The following SLC8A3 variants were observed in gnomAD, a reference collection of about 807,000 sequenced individuals.
SLC8A3 encodes the protein solute carrier family 8 member A3, also known as sodium/calcium exchanger 3.
In SLC8A3, 37 loss-of-function variants were observed where a neutral mutation model predicts 65.4. The observed-to-expected ratio is 0.57, with a 90% confidence interval of 0.44 to 0.74. The LOEUF (loss-of-function observed/expected upper bound fraction) is 0.74, where lower values mean the gene tolerates loss of function less well. Ranked by LOEUF, SLC8A3 falls within the 30% of genes least tolerant of loss-of-function variation. The pLI, the probability that SLC8A3 is intolerant of heterozygous loss-of-function variation, is 0.00. For missense variants in SLC8A3, 1,112 were observed against 1,172.1 expected, an observed-to-expected ratio of 0.95 and a Z score of 0.75; for synonymous variants, 461 against 444.5, an observed-to-expected ratio of 1.04 and a Z score of -0.47.
intron 2 of SLC8A3, chr14:70,063,860 C>G (rs374857117): frequency 6.2e-7 from 1 of 1,612,170 alleles, no homozygotes; most frequent in Admixed American, 1.7e-5. Flanking sequence ...GGGGGCCCAT[C>G]ATCTCAATGA....
intron 2 of SLC8A3, among the ~76,000 whole-genome samples, chr14:70,150,697 G>T (rs1407095087): frequency 6.6e-6 from 1 of 152,162 alleles, no homozygotes; most frequent in Non-Finnish European, 1.5e-5. Flanking sequence ...GAGGAAAGCA[G>T]GTAACATGCC....
chr14:70,122,941 G>C (rs745866756), intron 2 of SLC8A3, among the ~76,000 whole-genome samples: 1 of 151,644 alleles, frequency 6.6e-6, no homozygotes, highest in Admixed American at 6.6e-5. Context: ...GTGCGGTGGC[G>C]GGCGCCTGTA....
intron 2 of SLC8A3, among the ~76,000 whole-genome samples, chr14:70,147,527 T>C (rs61978174): frequency 6.6e-6 from 1 of 152,004 alleles, no homozygotes; most frequent in African/African-American, 2.4e-5. Context: ...ATGGTGAAGG[T>C]ATTTTGCAGA....
At position 70,167,349 on chromosome 14, in the gene SLC8A3, G is replaced by A. The variant is rs879116725; in HGVS notation, c.1074C>T (p.Ala358=). Residue 358 remains alanine (A), a synonymous_variant, in exon 2 of 7, where the codon GCC becomes GCT. Transcript: ENST00000356921. Reference sequence around the variant, plus strand: ...TGCCTGCACCAGTCATCATACGAGTGGCTTGGATACGGTAGAAGGCACGGC... The same window carrying A: ...TGCCTGCACCAGTCATCATACGAGTAGCTTGGATACGGTAGAAGGCACGGC... ...QKSRAFYRIQ[A]TRMMTGAGNI... The A allele has an allele frequency of 1.9e-6, 3 of 1,614,188 alleles. No homozygotes were observed. The South Asian group carries it at 3.3e-5, about 18-fold the overall frequency.
At chr14:70,140,346 G>T (rs60621131) in intron 2 of SLC8A3, among the ~76,000 whole-genome samples, 5,799 of 152,202 alleles carry the variant, frequency 0.038, 364 homozygotes, top group African/African-American at 0.13. Context: ...CATATAATGT[G>T]TGTATATACA....
Position 70,167,075 on chromosome 14 carries a change from C to T in SLC8A3, c.1348G>A (p.Glu450Lys), listed in dbSNP as rs1566825834. ...ANAGADYEFTEGTVVLKPGET... is the reference protein window; with the variant it reads ...ANAGADYEFTKGTVVLKPGET... ...CCTGGCTTCAGAACCACCGTGCCCT[C>T]TGTGAACTCATAGTCAGCCCCTGCA... The change falls in exon 2 of 7, where the codon GAG becomes AAG. Residue 450 changes from glutamate to lysine, a missense_variant. By Grantham distance (56) the Glu-to-Lys change is moderately conservative (BLOSUM62 1). Coordinates refer to ENST00000356921, the MANE Select transcript of SLC8A3 (RefSeq NM_182932.3). 4.3e-6 allele frequency: 7 copies of T among 1,614,062 alleles called. No homozygotes were observed. Among genetic ancestry groups the T allele is most frequent in the Non-Finnish European group, 5.1e-6 (6 of 1,180,034 alleles).
At position 70,188,918 on chromosome 14, in the gene SLC8A3, G is replaced by C. The variant is rs1268443940; in HGVS notation, c.-602C>G. 1 of 152,042 alleles carries C rather than the reference G, an allele frequency of 6.6e-6. No individual in the cohort carries two copies. Among genetic ancestry groups the C allele is most frequent in the Non-Finnish European group, 1.5e-5 (1 of 68,010 alleles). 9.4% of individuals were successfully genotyped at this position (152,042 alleles called of 1,614,324 possible). A position where few individuals can be genotyped will look rare whatever the true frequency, so the allele number is the denominator to read the frequency against. On this transcript the variant is annotated 5_prime_UTR_variant, in exon 1 of 7. Transcript: ENST00000356921. ...ACGCTGTCACCGCGGGAGACGTCTC[G>C]GCCTCGCCGCGCGCAGAGGGGACGC...
intron 1 of SLC8A3, among the ~76,000 whole-genome samples, chr14:70,174,111 C>T (rs1487063285): frequency 6.6e-6 from 1 of 152,206 alleles, no homozygotes; most frequent in East Asian, 1.9e-4. Context: ...TGAATTCTGG[C>T]AGTCCACCTC....
At chr14:70,143,208 T>A (rs905412751) in intron 2 of SLC8A3, among the ~76,000 whole-genome samples, 1 of 152,252 alleles carries the variant, frequency 6.6e-6, no homozygotes, top group Non-Finnish European at 1.5e-5. Context: ...TTTGAGGGCC[T>A]AGCCCATGAG....
intron 3 of SLC8A3, chr14:70,059,200 G>C (rs1888490775): frequency 6.6e-6 from 1 of 152,278 alleles, no homozygotes; most frequent in Non-Finnish European, 1.5e-5. Context: ...GCACAGAAGT[G>C]GTCAGCTCTG....
rs926333194 is a variant in SLC8A3 at position 70,127,394 on chromosome 14, C to T, written c.1784+39245G>A. Among the ~76,000 whole-genome samples, 26 of 152,266 alleles carry T rather than the reference C, an allele frequency of 1.7e-4. No individual in the cohort carries two copies. The South Asian group carries it at 2.9e-3, about 17-fold the overall frequency. ...GGTAGACTTTTTGACCCCGCCCAGG[C>T]ATCTTAGCGCTTTATTGACGGTTTT... On this transcript the variant is annotated intron_variant, in intron 2 of 6. Transcript: ENST00000356921.
At chr14:70,064,961 G>A (rs1225647623) in intron 2 of SLC8A3, among the ~76,000 whole-genome samples, 1 of 152,112 alleles carries the variant, frequency 6.6e-6, no homozygotes, top group African/African-American at 2.4e-5. Flanking sequence ...TCCCAGGGAA[G>A]ATGTTTAGAC....
intron 2 of SLC8A3, among the ~76,000 whole-genome samples, chr14:70,157,590 G>A (rs1896646940): frequency 6.6e-6 from 1 of 152,188 alleles, no homozygotes; most frequent in Admixed American, 6.5e-5. Flanking sequence ...ACCATTGCAA[G>A]CTGCAAATAA....
At chr14:70,139,381 C>T (rs1029344457) in intron 2 of SLC8A3, among the ~76,000 whole-genome samples, 4 of 152,200 alleles carry the variant, frequency 2.6e-5, no homozygotes, top group Non-Finnish European at 5.9e-5. Context: ...TGGTAACTTG[C>T]AAGCCCTCTT....
intron 3 of SLC8A3, among the ~76,000 whole-genome samples, chr14:70,054,796 C>T (rs1047829744): frequency 2.0e-5 from 3 of 152,114 alleles, no homozygotes; most frequent in African/African-American, 7.2e-5. Flanking sequence ...TATGTCCTTA[C>T]TATGTACACC....
chr14:70,079,691 C>A (rs1425467939), intron 2 of SLC8A3, among the ~76,000 whole-genome samples: 1 of 152,112 alleles, frequency 6.6e-6, no homozygotes, highest in Non-Finnish European at 1.5e-5. Context: ...GCCAACCCTC[C>A]CCCTTCATTT....
chr14:70,176,707 A>G (rs1897932166), intron 1 of SLC8A3, among the ~76,000 whole-genome samples: 1 of 152,212 alleles, frequency 6.6e-6, no homozygotes, highest in Non-Finnish European at 1.5e-5. Context: ...CTTGCCAAGA[A>G]TAGTCAGCAT....
chr14:70,184,416 C>T (rs893820773), intron 1 of SLC8A3, among the ~76,000 whole-genome samples: 1 of 152,214 alleles, frequency 6.6e-6, no homozygotes, highest in Non-Finnish European at 1.5e-5. Flanking sequence ...CTCCCCACTG[C>T]ATTTTAATCT....
intron 2 of SLC8A3, among the ~76,000 whole-genome samples, chr14:70,111,911 A>T (rs1007259422): frequency 7.2e-5 from 11 of 152,220 alleles, no homozygotes; most frequent in Non-Finnish European, 1.6e-4. Context: ...AGGCTGAAAG[A>T]CATCAGCAAT....
Sources: allele counts gnomAD v4.1 joint callset (sites outside exome capture counted in the v4.1 genomes callset), GRCh38; gene constraint gnomAD v4.1.1; transcripts MANE v1.5; gene names NCBI Gene and HGNC (gene_info 2026-07-23, HGNC 2026-07-21).